The following GINM1 variants were observed in gnomAD, a reference collection of about 807,000 sequenced individuals.
GINM1 encodes glycoprotein integral membrane protein 1.
In GINM1, 29 loss-of-function variants were observed where a neutral mutation model predicts 37.8. The ratio of observed to expected loss-of-function variants is 0.77; its 90% CI spans 0.57 to 1.05. The LOEUF is 1.05. Among genes scored for constraint, GINM1 ranks in the 50% least tolerant of loss-of-function variants. The pLI is 0.00. For synonymous variants in GINM1, 143 were observed against 146.2 expected (o/e 0.98, Z 0.16); for missense variants, 377 against 397.9 (o/e 0.95, Z 0.45).
In GINM1 at chr6:149,566,522, C is replaced by G. The variant is rs768706900; in HGVS notation, c.108C>G (p.Ser36=). The G allele has an allele frequency of 2.6e-6, 4 of 1,526,498 alleles. No individual in the cohort carries two copies. The highest frequency in any genetic ancestry group is 2.5e-5 in the East Asian group (1 of 39,604). The allele number at this position is 1,526,498 out of a possible 1,614,324, so 94.6% of individuals were successfully genotyped here. Residue 36 remains serine (S), a synonymous_variant, in exon 1 of 8, where the codon TCC becomes TCG. Transcript: ENST00000367419. The surrounding 1 kb of genome is among the most constrained non-coding windows in gnomAD (Gnocchi z 4.4). ...TTGAPEPPPL[S]GAPQDGIRIN... is the part of the protein sequence containing the mutation. ...GCGCCCCCGAGCCGCCGCCGCTGTC[C>G]GGAGCCCCACAGGTAGGGCAGGGCG... is the stretch of plus-strand genomic sequence containing the variant.
intron 3 of GINM1, among the ~76,000 whole-genome samples, chr6:149,573,457 A>G (rs1026995442): frequency 6.6e-6 from 1 of 152,364 alleles, no homozygotes. Context: ...CATTATCAGA[A>G]TGTACAATAA....
chr6:149,576,936 T>C (rs1014589057), intron 3 of GINM1, among the ~76,000 whole-genome samples: 6 of 152,240 alleles, frequency 3.9e-5, no homozygotes, highest in Non-Finnish European at 8.8e-5. Flanking sequence ...CACCAGCATC[T>C]GCTCAGCTTC....
At chr6:149,572,220 A>G (rs1234303599) in intron 1 of GINM1, 65 bp from the exon 2 acceptor site, 1 of 889,118 alleles carries the variant, frequency 1.1e-6, no homozygotes, top group African/African-American at 1.7e-5. Flanking sequence ...GGGAAAAGAG[A>G]AAGCCACGTT....
intron 7 of GINM1, among the ~76,000 whole-genome samples, chr6:149,587,346 G>A (rs1010664887): frequency 1.1e-4 from 17 of 152,002 alleles, no homozygotes; most frequent in Middle Eastern, 3.2e-3. Context: ...TGGACACAGC[G>A]TCAGATCCCA....
chr6:149,567,611 A>G (rs1777741579), intron 1 of GINM1, among the ~76,000 whole-genome samples: 1 of 152,210 alleles, frequency 6.6e-6, no homozygotes, highest in Non-Finnish European at 1.5e-5. Flanking sequence ...ACTGCATTCC[A>G]GCCTGGGTGA....
chr6:149,572,615 T>A lies in GINM1; in HGVS notation c.277+12T>A, dbSNP rs967868708. 1 of 1,386,854 alleles carries A rather than the reference T, an allele frequency of 7.2e-7. No homozygotes were observed. The highest frequency in any genetic ancestry group is 1.0e-6 in the Non-Finnish European group (1 of 978,634). 85.9% of individuals were successfully genotyped at this position (1,386,854 alleles called of 1,614,324 possible). A position where few individuals can be genotyped will look rare whatever the true frequency, so the allele number is the denominator to read the frequency against. Reference sequence around the variant, plus strand: ...TCAGACTTTGATAGGTGAGTATTACTAAATTATTTCCATAATTGCTCTGTT... The same window carrying A: ...TCAGACTTTGATAGGTGAGTATTACAAAATTATTTCCATAATTGCTCTGTT... On this transcript the variant is annotated intron_variant, in intron 3 of 7. Transcript: ENST00000367419.
intron 1 of GINM1, among the ~76,000 whole-genome samples, chr6:149,567,838 G>A (rs1388939062): frequency 6.6e-6 from 1 of 152,128 alleles, no homozygotes; most frequent in Non-Finnish European, 1.5e-5. Flanking sequence ...GGAATGTGAT[G>A]GACAGGCACC....
intron 1 of GINM1, among the ~76,000 whole-genome samples, chr6:149,567,087 C>T (rs1218814614): frequency 6.6e-6 from 1 of 152,176 alleles, no homozygotes; most frequent in Non-Finnish European, 1.5e-5. Flanking sequence ...AGGAGAAGTT[C>T]TCACGGCGGG....
At position 149,572,544 on chromosome 6, in the gene GINM1, A is replaced by T; in HGVS notation, c.218A>T (p.Tyr73Phe). 1 of 1,607,124 alleles carries T rather than the reference A, an allele frequency of 6.2e-7. No homozygotes were observed. The highest frequency in any genetic ancestry group is 8.5e-7 in the Non-Finnish European group (1 of 1,174,700). The change falls in exon 3 of 8, where the codon TAT becomes TTT. Residue 73 changes from tyrosine to phenylalanine, a missense_variant. Transcript: ENST00000367419. The part of the protein sequence containing the change: ...LNITYESGQV[Y>F]VNDLPVNSGV... ...ATAACCTATGAGAGTGGACAGGTGT[A>T]TGTAAATGACTTACCTGTAAATAGT...
At chr6:149,579,437 TC>T (rs1229531188) in intron 4 of GINM1, among the ~76,000 whole-genome samples, 1 of 152,204 alleles carries the variant, frequency 6.6e-6, no homozygotes, top group African/African-American at 2.4e-5. Flanking sequence ...ACACCTGTAA[TC>T]CCAGCACTTT....
Position 149,572,583 on chromosome 6 carries a change from T to G in GINM1, c.257T>G (p.Ile86Arg), listed in dbSNP as rs753416345. The G allele has an allele frequency of 6.9e-6, 11 of 1,592,004 alleles. No individual in the cohort carries two copies. In the East Asian group the frequency reaches 2.5e-4, roughly 36 times the overall value. ...DLPVNSGVTR[I>R]SCQTLIVKNE... Reference sequence around the variant, plus strand: ...CCTGTAAATAGTGGTGTAACCCGAATAAGCTGTCAGACTTTGATAGGTGAG... The same window carrying G: ...CCTGTAAATAGTGGTGTAACCCGAAGAAGCTGTCAGACTTTGATAGGTGAG... Residue 86 changes from isoleucine to arginine, a missense_variant, in exon 3 of 8, where the codon ATA becomes AGA. Physicochemically the swap from Ile to Arg is moderately conservative, Grantham distance 97. Coordinates refer to ENST00000367419, the MANE Select transcript of GINM1 (RefSeq NM_138785.5).
intron 7 of GINM1, among the ~76,000 whole-genome samples, chr6:149,587,029 C>T (rs1778079688): frequency 6.6e-6 from 1 of 152,194 alleles, no homozygotes; most frequent in South Asian, 2.1e-4. Context: ...GTCCTTCCAC[C>T]TTGGCTTCCC....
At chr6:149,580,759 T>C (rs1777988059) in intron 6 of GINM1, 36 bp downstream of exon 6, 1 of 1,594,228 alleles carries the variant, frequency 6.3e-7, no homozygotes, top group African/African-American at 1.3e-5. Context: ...TAAGCATTCA[T>C]GGTTAAGATG....
In GINM1 at chr6:149,568,725, T is replaced by C. The variant is rs555621692; in HGVS notation, c.120+2191T>C. Among the ~76,000 whole-genome samples, 5 of 152,374 alleles carry C rather than the reference T, an allele frequency of 3.3e-5. No homozygotes were observed. In the South Asian group the frequency reaches 6.2e-4, roughly 19 times the overall value. Reference sequence around the variant, plus strand: ...TTGAAGTCAGGAAAATTCTGCCTTCTTCCGATGACTCAGATTTATTGGACT... The same window carrying C: ...TTGAAGTCAGGAAAATTCTGCCTTCCTCCGATGACTCAGATTTATTGGACT... On this transcript the variant is annotated intron_variant, in intron 1 of 7. Transcript: ENST00000367419.
chr6:149,583,855 G>A (rs992058213), intron 7 of GINM1, among the ~76,000 whole-genome samples: 1 of 152,130 alleles, frequency 6.6e-6, no homozygotes. Flanking sequence ...GTGGGAATGA[G>A]AGCAGAGGTG....
Position 149,590,913 on chromosome 6 carries a change from A to T in GINM1, c.*75A>T, listed in dbSNP as rs1466184149. On this transcript the variant is annotated 3_prime_UTR_variant, in exon 8 of 8. Coordinates refer to ENST00000367419, the MANE Select transcript of GINM1 (RefSeq NM_138785.5). The stretch of plus-strand genomic sequence containing the variant: ...TGCCACTTGAATATAATTTTCTTTA[A>T]ATCGTTAAGAATCAGTTTATACACT... The T allele has an allele frequency of 1.5e-6, 1 of 683,696 alleles. No homozygotes were observed. Among genetic ancestry groups the T allele is most frequent in the African/African-American group, 1.8e-5 (1 of 55,420 alleles). 42.4% of individuals were successfully genotyped at this position (683,696 alleles called of 1,614,324 possible).
intron 3 of GINM1, among the ~76,000 whole-genome samples, chr6:149,573,105 G>A (rs573049382): frequency 9.3e-4 from 142 of 152,160 alleles, no homozygotes; most frequent in African/African-American, 3.4e-3. Context: ...GGCAGATCAC[G>A]AGAGGTCAGG....
At chr6:149,575,505 C>T (rs1242868562) in intron 3 of GINM1, among the ~76,000 whole-genome samples, 1 of 152,198 alleles carries the variant, frequency 6.6e-6, no homozygotes, top group Non-Finnish European at 1.5e-5. Flanking sequence ...TCAACCTCTC[C>T]ACCTGTTCTG....
chr6:149,577,751 ATCT>A (rs1777935742), intron 3 of GINM1, among the ~76,000 whole-genome samples: 1 of 152,170 alleles, frequency 6.6e-6, no homozygotes, highest in African/African-American at 2.4e-5. Context: ...TTTGGCAAAA[ATCT>A]TCAGATTATT....
Sources: gnomAD v4.1 joint callset for allele counts (sites outside exome capture counted in the v4.1 genomes callset) on GRCh38, gnomAD v4.1.1 for gene constraint, Gnocchi (gnomAD v3.1) non-coding constraint, MANE v1.5 for transcripts, NCBI Gene and HGNC (gene_info 2026-07-23, HGNC 2026-07-21) for gene names.